The following SLC38A6 variants were observed in gnomAD, a reference collection of about 807,000 sequenced individuals.
The protein encoded by SLC38A6 is solute carrier family 38 member 6.
A neutral mutation model predicts 65.0 loss-of-function variants in SLC38A6; 73 were observed. That is an observed-to-expected ratio of 1.12 (90% CI 0.93 to 1.37). SLC38A6 has a LOEUF of 1.37. Among genes scored for constraint, SLC38A6 ranks in the 40% most tolerant of loss-of-function variants. SLC38A6 has a pLI of 0.00. For missense variants in SLC38A6, 561 were observed against 531.1 expected (o/e 1.06, Z -0.55); for synonymous variants, 183 against 178.8 (o/e 1.02, Z -0.19).
chr14:61,008,513 A>G (rs1374826769), intron 3 of SLC38A6, among the ~76,000 whole-genome samples: 2 of 152,214 alleles, frequency 1.3e-5, no homozygotes, highest in South Asian at 2.1e-4. Context: ...TCAATAAAAG[A>G]TATGTATTGC....
intron 4 of SLC38A6, 74 bp downstream of exon 4, chr14:61,016,030 C>T: frequency 1.9e-6 from 2 of 1,071,102 alleles, no homozygotes; most frequent in South Asian, 1.6e-5. Context: ...TTAAAAGAGA[C>T]AAGTATATAC....
At chr14:61,041,836 G>A (rs987704122) in intron 8 of SLC38A6, among the ~76,000 whole-genome samples, 1 of 152,088 alleles carries the variant, frequency 6.6e-6, no homozygotes, top group African/African-American at 2.4e-5. Context: ...GGAGGTGGAG[G>A]TTGCAGTGAG....
Position 61,037,633 on chromosome 14 carries a change from G to C in SLC38A6, c.574G>C (p.Gly192Arg). Residue 192 changes from glycine (G) to arginine (R), a missense_variant, in exon 8 of 16, where the codon GGC becomes CGC. Physicochemically the swap from Gly to Arg is moderately radical, Grantham distance 125 (BLOSUM62 -2). Transcript: ENST00000267488. ...LALLPKIGFL[G>R]YTSSLSFFFM... Reference sequence around the variant, plus strand: ...TTACTGTTATTTTACAGGCTTTCTTGGCTACACAAGTAGTTTATCATTTTT... The same window carrying C: ...TTACTGTTATTTTACAGGCTTTCTTCGCTACACAAGTAGTTTATCATTTTT... The C allele has an allele frequency of 6.3e-7, 1 of 1,591,176 alleles. No homozygotes were observed. The highest frequency in any genetic ancestry group is 8.6e-7 in the Non-Finnish European group (1 of 1,166,182).
At chr14:61,063,683 T>G (rs4902024) in intron 15 of SLC38A6, among the ~76,000 whole-genome samples, 1 of 152,098 alleles carries the variant, frequency 6.6e-6, no homozygotes, top group South Asian at 2.1e-4. Flanking sequence ...AATTGACAAC[T>G]GAGCTTCTCT....
chr14:61,000,530 C>G (rs2038633727), intron 3 of SLC38A6, among the ~76,000 whole-genome samples: 2 of 152,170 alleles, frequency 1.3e-5, no homozygotes, highest in South Asian at 4.1e-4. Flanking sequence ...ACTCGGGAGC[C>G]CGAGTCAGGA....
At chr14:61,034,377 G>A (rs2041205268) in intron 6 of SLC38A6, 1 of 151,734 alleles carries the variant, frequency 6.6e-6, no homozygotes, top group African/African-American at 2.4e-5. Context: ...TTTTATTACG[G>A]TAAGAACACT....
intron 3 of SLC38A6, among the ~76,000 whole-genome samples, chr14:61,015,548 C>A (rs949339228): frequency 7.2e-5 from 11 of 151,956 alleles, no homozygotes; most frequent in African/African-American, 2.2e-4. Context: ...ATAAAAGAAT[C>A]CTTGGTGATT....
chr14:61,067,433 C>T (rs944706922), intron 15 of SLC38A6, among the ~76,000 whole-genome samples: 2 of 152,100 alleles, frequency 1.3e-5, no homozygotes, highest in African/African-American at 4.8e-5. Context: ...GACTAGAAAA[C>T]GGTATTCTAG....
At chr14:61,067,474 T>G (rs1333692169) in intron 15 of SLC38A6, among the ~76,000 whole-genome samples, 1 of 152,204 alleles carries the variant, frequency 6.6e-6, no homozygotes, top group African/African-American at 2.4e-5. Context: ...TTATTTTCAC[T>G]ACTGATGTAT....
rs1178484038 is a variant in SLC38A6, at chr14:61,052,067, T to G, written c.1222T>G (p.Phe408Val). 10 of 1,594,130 alleles carry G rather than the reference T, an allele frequency of 6.3e-6. No individual in the cohort carries two copies. Among genetic ancestry groups the G allele is most frequent in the Non-Finnish European group, 8.5e-6 (10 of 1,175,264 alleles). ...TGCCAGTACATCAACATGTTTGATT[T>G]TTATATTCCCAGGACTATTTTATCT... ...VGASTSTCLI[F>V]IFPGLFYLKL... The change falls in exon 15 of 16, where the codon TTT becomes GTT. Residue 408 changes from phenylalanine to valine, a missense_variant. By Grantham distance (50) the Phe-to-Val change is conservative. Coordinates refer to ENST00000267488, the MANE Select transcript of SLC38A6 (RefSeq NM_153811.3).
At chr14:60,995,170 C>T (rs1329547684) in intron 3 of SLC38A6, among the ~76,000 whole-genome samples, 1 of 152,314 alleles carries the variant, frequency 6.6e-6, no homozygotes, top group South Asian at 2.1e-4. Context: ...GTAGAGATAT[C>T]TATGCTCCCA....
At chr14:61,038,757 A>G (rs2041576027) in intron 8 of SLC38A6, among the ~76,000 whole-genome samples, 1 of 152,182 alleles carries the variant, frequency 6.6e-6, no homozygotes, top group Non-Finnish European at 1.5e-5. Context: ...TCTCTATTGA[A>G]TGCTCTTAAA....
At chr14:60,995,214 T>C (rs972204112) in intron 3 of SLC38A6, among the ~76,000 whole-genome samples, 2 of 152,140 alleles carry the variant, frequency 1.3e-5, no homozygotes, top group African/African-American at 2.4e-5. Context: ...ATAGCCAAGT[T>C]AGAGAAACAA....
chr14:60,998,865 G>GC lies in SLC38A6; in HGVS notation c.310+14065dup, dbSNP rs140915251. On this transcript the variant is annotated intron_variant, in intron 3 of 15. Transcript: ENST00000267488. Reference sequence around the variant, plus strand: ...AAGCCACAGCCCTGTCGCAGGCCCTGCCCTTCGTGGGGGATCAGGGGACTC... The same window carrying GC: ...AAGCCACAGCCCTGTCGCAGGCCCTGCCCCTTCGTGGGGGATCAGGGGACTC... 8.5e-3 allele frequency among the ~76,000 whole-genome samples: 1,302 copies of GC among 152,328 alleles called. 22 individuals carry two copies. The highest frequency in any genetic ancestry group is 0.03 in the African/African-American group (1,228 of 41,582).
intron 15 of SLC38A6, among the ~76,000 whole-genome samples, chr14:61,063,059 T>C (rs946376117): frequency 2.0e-4 from 31 of 152,226 alleles, no homozygotes; most frequent in Admixed American, 7.2e-4. Flanking sequence ...CTTAACAGTG[T>C]CTTTCAAAGA....
At chr14:61,082,091 G>T (rs1250306640) in intron 16 of SLC38A6, among the ~76,000 whole-genome samples, 1 of 152,088 alleles carries the variant, frequency 6.6e-6, no homozygotes, top group Non-Finnish European at 1.5e-5. Context: ...CTGCTTTTCT[G>T]CATCCCCACA....
intron 8 of SLC38A6, among the ~76,000 whole-genome samples, chr14:61,038,389 TAA>T: frequency 6.6e-6 from 1 of 152,116 alleles, no homozygotes. Context: ...TGAAATTTTT[TAA>T]GTCTTTTTTC....
At chr14:61,023,703 A>G (rs2040466054) in intron 5 of SLC38A6, among the ~76,000 whole-genome samples, 1 of 151,932 alleles carries the variant, frequency 6.6e-6, no homozygotes, top group Non-Finnish European at 1.5e-5. Context: ...TAACATTTAA[A>G]TACTTCTCAG....
intron 15 of SLC38A6, among the ~76,000 whole-genome samples, chr14:61,069,719 G>A (rs750395453): frequency 2.6e-5 from 4 of 151,874 alleles, no homozygotes; most frequent in Non-Finnish European, 4.4e-5. Context: ...AAGATTTTTC[G>A]TATTTTTTTC....
Sources: allele counts gnomAD v4.1 joint callset (sites outside exome capture counted in the v4.1 genomes callset), GRCh38; gene constraint gnomAD v4.1.1; transcripts MANE v1.5; gene names NCBI Gene and HGNC (gene_info 2026-07-23, HGNC 2026-07-21).